Variants in AAK1 observed in about 807,000 individuals in gnomAD.
AAK1 encodes the protein AP2-associated protein kinase 1.
Under a neutral mutation model 116.0 loss-of-function variants are expected in AAK1, and 37 were observed. The observed-to-expected ratio is 0.32, with a 90% CI of 0.25 to 0.42. The LOEUF is 0.42. Among genes scored for constraint, AAK1 ranks in the 10% least tolerant of loss-of-function variants. AAK1 has a pLI of 1.00. For synonymous variants in AAK1, 458 were observed against 439.9 expected, an observed-to-expected ratio of 1.04 and a Z score of -0.51; for missense variants, 919 against 1,170.6, an observed-to-expected ratio of 0.79 and a Z score of 3.14.
chr2:69,505,339 C>T (rs1448201630), intron 16 of AAK1, among the ~76,000 whole-genome samples: 1 of 152,012 alleles, frequency 6.6e-6, no homozygotes, highest in Non-Finnish European at 1.5e-5. Flanking sequence ...GACTGTCCTG[C>T]CACTTTAATT....
At chr2:69,576,807 A>T (rs1248825633) in intron 2 of AAK1, among the ~76,000 whole-genome samples, 9 of 152,230 alleles carry the variant, frequency 5.9e-5, no homozygotes, top group Admixed American at 5.9e-4. Flanking sequence ...CTTCTACAAG[A>T]TCAAATAAAT....
At chr2:69,631,807 C>A (rs975108349) in intron 2 of AAK1, among the ~76,000 whole-genome samples, 2 of 152,022 alleles carry the variant, frequency 1.3e-5, no homozygotes, top group Non-Finnish European at 2.9e-5. Flanking sequence ...TGGCAAAACT[C>A]CACCTCTACA....
intron 3 of AAK1, among the ~76,000 whole-genome samples, chr2:69,552,640 G>A (rs1354335149): frequency 1.3e-5 from 2 of 152,084 alleles, no homozygotes; most frequent in East Asian, 1.9e-4. Flanking sequence ...GAACCTGGGA[G>A]GCAGAGATTG....
At chr2:69,613,486 G>A (rs987391790) in intron 2 of AAK1, among the ~76,000 whole-genome samples, 11 of 152,164 alleles carry the variant, frequency 7.2e-5, no homozygotes, top group Non-Finnish European at 1.3e-4. Context: ...CCGGATGGGG[G>A]CTGGTTGGCA....
At position 69,527,207 on chromosome 2, in the gene AAK1, T is replaced by A. The variant is rs772981476; in HGVS notation, c.975+9A>T. On this transcript the variant is annotated intron_variant, in intron 9 of 21. Coordinates refer to ENST00000409085, the MANE Select transcript of AAK1 (RefSeq NM_014911.5). Reference sequence around the variant, plus strand: ...TGTTTACTCCCTTTAAATAGCACCATTCACGTACCTGTACATTTGGAATTG... The same window carrying A: ...TGTTTACTCCCTTTAAATAGCACCAATCACGTACCTGTACATTTGGAATTG... 2 of 1,574,482 alleles carry A rather than the reference T, an allele frequency of 1.3e-6. No individual in the cohort carries two copies. The highest frequency in any genetic ancestry group is 4.5e-5 in the East Asian group (2 of 44,474).
chr2:69,504,244 AACATTAGCCGGCCATAGTGGC>A (rs1474765169), intron 16 of AAK1, among the ~76,000 whole-genome samples: 2 of 151,110 alleles, frequency 1.3e-5, no homozygotes, highest in Admixed American at 6.6e-5. Context: ...TAAAACTACA[AACATTAGCCGGCCATAGTGGC>A]ATACACCGGT....
At chr2:69,579,337 T>C (rs1488416858) in intron 2 of AAK1, among the ~76,000 whole-genome samples, 1 of 152,142 alleles carries the variant, frequency 6.6e-6, no homozygotes, top group Non-Finnish European at 1.5e-5. Context: ...CCCAGTACTT[T>C]GGGAGGCCGA....
At position 69,467,632 on chromosome 2, in the gene AAK1, G is replaced by T. The variant is rs1347918683; in HGVS notation, c.*8237C>A. ...GATACAATGATTTGGAGCCATAGAT[G>T]ACCCAGAACCTCTGTAGAGATGGAA... On this transcript the variant is annotated 3_prime_UTR_variant, in exon 22 of 22. Coordinates refer to ENST00000409085, the MANE Select transcript of AAK1 (RefSeq NM_014911.5). 1.0e-6 allele frequency: 1 copy of T among 985,230 alleles called. No homozygotes were observed. Among genetic ancestry groups the T allele is most frequent in the Non-Finnish European group, 1.2e-6 (1 of 829,922 alleles). The allele number at this position is 985,230 out of a possible 1,614,324, so 61.0% of individuals were successfully genotyped here. A position where few individuals can be genotyped will look rare whatever the true frequency, so the allele number is the denominator to read the frequency against.
chr2:69,477,339 C>A (rs1674892276), intron 20 of AAK1, among the ~76,000 whole-genome samples: 1 of 152,128 alleles, frequency 6.6e-6, no homozygotes, highest in Non-Finnish European at 1.5e-5. Context: ...ACTGAGGGAA[C>A]AGAGGCCAAA....
At chr2:69,583,868 C>G (rs1672648268) in intron 2 of AAK1, among the ~76,000 whole-genome samples, 1 of 152,060 alleles carries the variant, frequency 6.6e-6, no homozygotes, top group Non-Finnish European at 1.5e-5. Context: ...TCATCCACAG[C>G]ACAAAATGTC....
rs1669623605 is a variant in AAK1, at chr2:69,519,063, T to C, written c.1388A>G (p.His463Arg). The C allele has an allele frequency of 1.8e-5, 28 of 1,551,078 alleles. No homozygotes were observed. The highest frequency in any genetic ancestry group is 2.4e-5 in the Non-Finnish European group (28 of 1,146,864). Residue 463 changes from histidine to arginine, a missense_variant, in exon 12 of 22, where the codon CAC becomes CGC. This residue lies in a region of AAK1 where 214 missense variants were observed against 210.6 expected (regional missense o/e 1.02). Coordinates refer to ENST00000409085, the MANE Select transcript of AAK1 (RefSeq NM_014911.5). ...CTGCTTGAGGAAGAGTTGCTGCTGGTGCTGGGGTGTGGCCTGGGCCTGAGC... is the reference window on the plus strand; with the variant it reads ...CTGCTTGAGGAAGAGTTGCTGCTGGCGCTGGGGTGTGGCCTGGGCCTGAGC... Reference protein sequence around the residue: ...LPAQAQATPQHQQQLFLKQQQ... With the variant: ...LPAQAQATPQRQQQLFLKQQQ...
At chr2:69,580,455 G>A (rs984675157) in intron 2 of AAK1, among the ~76,000 whole-genome samples, 3 of 152,112 alleles carry the variant, frequency 2.0e-5, no homozygotes, top group Non-Finnish European at 2.9e-5. Context: ...GGAGCTGCAC[G>A]GAAACCATAT....
intron 13 of AAK1, among the ~76,000 whole-genome samples, chr2:69,509,707 G>A (rs901264597): frequency 5.3e-5 from 8 of 152,112 alleles, no homozygotes; most frequent in Admixed American, 2.6e-4. Context: ...CTTTATCAGC[G>A]ATAATATATA....
intron 16 of AAK1, among the ~76,000 whole-genome samples, chr2:69,504,034 T>C (rs1364949070): frequency 6.6e-6 from 1 of 151,766 alleles, no homozygotes; most frequent in Non-Finnish European, 1.5e-5. Context: ...TAGGAGCTTC[T>C]TTAATGATGT....
rs1373645465 is a variant in AAK1, at chr2:69,466,531, G to A, written c.*9338C>T. On this transcript the variant is annotated 3_prime_UTR_variant, in exon 22 of 22. Transcript: ENST00000409085. ...TGCTCTACAGTTATTACAGGACAGG[G>A]ATTGGACTCCCTCTGGAGATCTAGA... 2 of 1,204,670 alleles carry A rather than the reference G, an allele frequency of 1.7e-6. No individual in the cohort carries two copies. Among genetic ancestry groups the A allele is most frequent in the Non-Finnish European group, 2.1e-6 (2 of 946,368 alleles). 74.6% of individuals were successfully genotyped at this position (1,204,670 alleles called of 1,614,324 possible).
chr2:69,603,067 T>C lies in AAK1; in HGVS notation c.163+39811A>G, dbSNP rs78797622. On this transcript the variant is annotated intron_variant, in intron 2 of 21. Transcript: ENST00000409085. The stretch of plus-strand genomic sequence containing the variant: ...GAATGGATGGAGGGATGGACAAATA[T>C]CAAGAAATTCATTAAAATAATTTAT... Among the ~76,000 whole-genome samples the C allele has an allele frequency of 1.4e-3, 220 of 152,180 alleles. 1 individual carries two copies. The highest frequency in any genetic ancestry group is 5.1e-3 in the African/African-American group (211 of 41,510).
chr2:69,548,046 T>A (rs1448467904), intron 3 of AAK1, among the ~76,000 whole-genome samples: 2 of 152,104 alleles, frequency 1.3e-5, no homozygotes, highest in Non-Finnish European at 2.9e-5. Context: ...ATATCTAGAA[T>A]ATGCAGTAAA....
Position 69,530,077 on chromosome 2 carries a change from C to T in AAK1, c.802G>A (p.Ala268Thr), listed in dbSNP as rs867108704. The change falls in exon 8 of 22, where the codon GCA (alanine) becomes ACA (threonine). Residue 268 changes from alanine (A) to threonine (T), a missense_variant. This residue lies in a region of AAK1 where 317 missense variants were observed against 490.4 expected (regional missense o/e 0.65). Transcript: ENST00000409085. ...FTLPFGESQV[A>T]ICDGNFTIPD... is the part of the protein sequence containing the mutation. ...ATTGTGAAGTTTCCATCACAAATTG[C>T]CACCTGACTTTCCCCAAATGGCAAA... 3 of 1,610,306 alleles carry T rather than the reference C, an allele frequency of 1.9e-6. No homozygotes were observed. The highest frequency in any genetic ancestry group is 1.3e-5 in the African/African-American group (1 of 74,926).
At chr2:69,499,593 A>G (rs1205533334) in intron 16 of AAK1, among the ~76,000 whole-genome samples, 1 of 152,188 alleles carries the variant, frequency 6.6e-6, no homozygotes, top group African/African-American at 2.4e-5. Context: ...TTCTTTGGAA[A>G]CCACTATTCT....
Sources: gnomAD v4.1 joint callset for allele counts (sites outside exome capture counted in the v4.1 genomes callset) on GRCh38, gnomAD v4.1.1 for gene constraint, gnomAD v4.1.1 regional missense constraint, MANE v1.5 for transcripts, NCBI Gene and HGNC (gene_info 2026-07-23, HGNC 2026-07-21) for gene names.